Variants in CCDC148 observed in about 807,000 individuals in gnomAD.
CCDC148 encodes coiled-coil domain containing 148.
Under a neutral mutation model 85.7 loss-of-function variants are expected in CCDC148, and 89 were observed. The observed-to-expected ratio is 1.04, with a 90% CI of 0.87 to 1.24. The LOEUF is 1.24. CCDC148 is among the 50% of genes most tolerant of loss of function. The pLI is 0.00. For missense variants in CCDC148, 692 were observed against 671.7 expected (o/e 1.03, Z -0.33); for synonymous variants, 230 against 213.9 (o/e 1.08, Z -0.66).
chr2:158,203,824 A>G (rs996641878), intron 11 of CCDC148, among the ~76,000 whole-genome samples: 6 of 152,232 alleles, frequency 3.9e-5, no homozygotes, highest in Admixed American at 2.0e-4. Context: ...AACACTTAGT[A>G]GAGAAGTGGA....
chr2:158,264,082 T>C (rs1294674736), intron 9 of CCDC148, among the ~76,000 whole-genome samples: 2 of 151,774 alleles, frequency 1.3e-5, no homozygotes, highest in African/African-American at 2.4e-5. Flanking sequence ...TTTTTTTTAA[T>C]GAGAATAAGA....
chr2:158,326,182 G>T (rs942165517), intron 7 of CCDC148, among the ~76,000 whole-genome samples: 2 of 151,864 alleles, frequency 1.3e-5, no homozygotes, highest in Non-Finnish European at 2.9e-5. Flanking sequence ...CTGGCCTCTT[G>T]CCAGGCATAC....
intron 9 of CCDC148, among the ~76,000 whole-genome samples, chr2:158,262,533 C>G (rs545397504): frequency 6.6e-6 from 1 of 152,086 alleles, no homozygotes; most frequent in African/African-American, 2.4e-5. Flanking sequence ...ATATAAAGAA[C>G]TACCTGAGAC....
At chr2:158,227,698 A>C (rs1390520801) in intron 10 of CCDC148, among the ~76,000 whole-genome samples, 1 of 152,180 alleles carries the variant, frequency 6.6e-6, no homozygotes, top group African/African-American at 2.4e-5. Flanking sequence ...CAAAAACAAG[A>C]AATGGGGAAA....
intron 1 of CCDC148, among the ~76,000 whole-genome samples, chr2:158,374,534 C>G (rs114536579): frequency 6.6e-6 from 1 of 151,772 alleles, no homozygotes; most frequent in Non-Finnish European, 1.5e-5. Flanking sequence ...CGCTCTCTCT[C>G]GAGAAAAAAA....
intron 1 of CCDC148, among the ~76,000 whole-genome samples, chr2:158,452,529 C>T (rs1559154947): frequency 6.6e-6 from 1 of 152,200 alleles, no homozygotes; most frequent in Non-Finnish European, 1.5e-5. Context: ...CAAAATGGCA[C>T]ATTTTGGGGT....
chr2:158,223,029 C>T (rs1325292903), intron 10 of CCDC148, among the ~76,000 whole-genome samples: 2 of 152,090 alleles, frequency 1.3e-5, no homozygotes, highest in Non-Finnish European at 2.9e-5. Context: ...CATCGCCTCA[C>T]CTGGGAAGCA....
intron 1 of CCDC148, among the ~76,000 whole-genome samples, chr2:158,448,723 A>G (rs1688265030): frequency 6.6e-6 from 1 of 152,190 alleles, no homozygotes; most frequent in African/African-American, 2.4e-5. Context: ...CATTTAATCT[A>G]TAGATTAGAG....
At position 158,340,583 on chromosome 2, in the gene CCDC148, T is replaced by C. The variant is rs891447208; in HGVS notation, c.334+15A>G. On this transcript the variant is annotated intron_variant, in intron 4 of 13. Transcript: ENST00000283233. Reference sequence around the variant, plus strand: ...ATAAAACTCCCCTTTAAATATAGGATCAAAAAAATCTTACCAAAATTTGTA... The same window carrying C: ...ATAAAACTCCCCTTTAAATATAGGACCAAAAAAATCTTACCAAAATTTGTA... 1.3e-6 allele frequency: 2 copies of C among 1,553,448 alleles called. No homozygotes were observed. The highest frequency in any genetic ancestry group is 8.8e-7 in the Non-Finnish European group (1 of 1,140,408).
chr2:158,301,285 AAAG>A (rs1691430054), intron 9 of CCDC148, among the ~76,000 whole-genome samples: 2 of 152,252 alleles, frequency 1.3e-5, no homozygotes, highest in African/African-American at 4.8e-5. Context: ...TTATGATAGA[AAAG>A]AAGGGGCAGA....
chr2:158,225,294 G>A (rs1019164437), intron 10 of CCDC148, among the ~76,000 whole-genome samples: 3 of 152,178 alleles, frequency 2.0e-5, no homozygotes, highest in African/African-American at 7.2e-5. Flanking sequence ...GGAGCACCCA[G>A]ATTCATAAAG....
intron 10 of CCDC148, among the ~76,000 whole-genome samples, chr2:158,225,784 T>G (rs1318108280): frequency 6.6e-6 from 1 of 152,080 alleles, no homozygotes; most frequent in Non-Finnish European, 1.5e-5. Flanking sequence ...CATACCAGAA[T>G]CTCTGGGACA....
At chr2:158,392,917 T>C (rs929866212) in intron 1 of CCDC148, among the ~76,000 whole-genome samples, 4 of 152,128 alleles carry the variant, frequency 2.6e-5, no homozygotes, top group Admixed American at 6.6e-5. Context: ...TGACAGTGTT[T>C]GTAGCAGTAT....
chr2:158,206,040 C>T (rs1686225182), intron 11 of CCDC148, among the ~76,000 whole-genome samples: 1 of 152,126 alleles, frequency 6.6e-6, no homozygotes, highest in Admixed American at 6.5e-5. Context: ...TGATAACTAT[C>T]ATTTGTCAAG....
chr2:158,403,635 A>C (rs1489864948), intron 1 of CCDC148, among the ~76,000 whole-genome samples: 1 of 152,102 alleles, frequency 6.6e-6, no homozygotes, highest in Admixed American at 6.6e-5. Flanking sequence ...ATTGGCATTT[A>C]GTACAAAATT....
chr2:158,414,612 T>A (rs1401070292), intron 1 of CCDC148, among the ~76,000 whole-genome samples: 1 of 152,102 alleles, frequency 6.6e-6, no homozygotes, highest in Non-Finnish European at 1.5e-5. Context: ...CTAGGCACTA[T>A]ATGAGGAGCT....
At chr2:158,434,871 G>A (rs1687561975) in intron 1 of CCDC148, among the ~76,000 whole-genome samples, 1 of 152,148 alleles carries the variant, frequency 6.6e-6, no homozygotes, top group African/African-American at 2.4e-5. Context: ...GCAAGAAAGG[G>A]TATCAGTGAT....
intron 11 of CCDC148, 104 bp from the exon 12 acceptor site, chr2:158,179,100 T>A (rs1665142794): frequency 2.9e-6 from 2 of 688,502 alleles, no homozygotes; most frequent in South Asian, 2.6e-5. Context: ...GTAACAGCAC[T>A]GTCACATTTT....
At chr2:158,441,901 T>C (rs772609510) in intron 1 of CCDC148, among the ~76,000 whole-genome samples, 1 of 152,174 alleles carries the variant, frequency 6.6e-6, no homozygotes, top group Non-Finnish European at 1.5e-5. Flanking sequence ...TGCCTTCTTT[T>C]CATATGACAT....
Sources: allele counts gnomAD v4.1 joint callset (sites outside exome capture counted in the v4.1 genomes callset), GRCh38; gene constraint gnomAD v4.1.1; transcripts MANE v1.5; gene names NCBI Gene and HGNC (gene_info 2026-07-23, HGNC 2026-07-21).